The following ACTBL2 variants were observed in gnomAD, a reference collection of about 807,000 sequenced individuals.
ACTBL2 encodes beta-actin-like protein 2.
A neutral mutation model predicts 23.2 loss-of-function variants in ACTBL2; 29 were observed. The observed-to-expected ratio is 1.25, with a 90% CI of 0.93 to 1.71. The LOEUF (loss-of-function observed/expected upper bound fraction) is 1.71, where lower values mean the gene tolerates loss of function less well. Ranked by LOEUF, ACTBL2 falls within the 40% of genes most tolerant of loss-of-function variation. ACTBL2 has a pLI of 0.00. For synonymous variants in ACTBL2, 173 were observed against 182.1 expected, an observed-to-expected ratio of 0.95 and a Z score of 0.40; for missense variants, 524 against 486.2, an observed-to-expected ratio of 1.08 and a Z score of -0.73.
chr5:57,481,659 A>G lies in ACTBL2; in HGVS notation c.1049T>C (p.Leu350Pro). 2 of 1,614,112 alleles carry G rather than the reference A, an allele frequency of 1.2e-6. No homozygotes were observed. The highest frequency in any genetic ancestry group is 1.7e-6 in the Non-Finnish European group (2 of 1,180,026). ...VWIGGSILASLSTFQQMWISK... is the reference protein window; with the variant it reads ...VWIGGSILASPSTFQQMWISK... ...GATCCACATCTGCTGGAATGTGGAC[A>G]GGCTGGCAAGGATGGAGCCCCCAAT... Residue 350 changes from leucine to proline, a missense_variant, in exon 1 of 1, where the codon CTG (leucine) becomes CCG (proline). By Grantham distance (98) the Leu-to-Pro change is moderately conservative (BLOSUM62 -3). Coordinates refer to ENST00000423391, the MANE Select transcript of ACTBL2 (RefSeq NM_001017992.4).
Position 57,481,141 on chromosome 5 carries a change from C to T in ACTBL2, c.*436G>A, listed in dbSNP as rs1745145777. 1.3e-5 allele frequency: 2 copies of T among 158,494 alleles called. No individual in the cohort carries two copies. Among genetic ancestry groups the T allele is most frequent in the African/African-American group, 2.4e-5 (1 of 41,438 alleles). 9.8% of individuals were successfully genotyped at this position (158,494 alleles called of 1,614,324 possible). ...CAAAGAAGTAAACAAAACAAAGATA[C>T]TTAACTAGTAAGACACGGCTGCTAA... On this transcript the variant is annotated 3_prime_UTR_variant, in exon 1 of 1. Coordinates refer to ENST00000423391, the MANE Select transcript of ACTBL2 (RefSeq NM_001017992.4).
rs556249317 is a variant in ACTBL2 at position 57,481,900 on chromosome 5, T to G, written c.808A>C (p.Ile270Leu). 4 of 1,614,116 alleles carry G rather than the reference T, an allele frequency of 2.5e-6. No homozygotes were observed. The Admixed American group carries it at 6.7e-5, about 27-fold the overall frequency. ...EAIFQPSFLG[I>L]ESSGIHETTF... Reference sequence around the variant, plus strand: ...GTCTCATGGATCCCACTGGACTCAATGCCCAGAAAGGAAGGCTGGAAAATG... The same window carrying G: ...GTCTCATGGATCCCACTGGACTCAAGGCCCAGAAAGGAAGGCTGGAAAATG... The change falls in exon 1 of 1, where the codon ATT (isoleucine) becomes CTT (leucine). Residue 270 changes from isoleucine (I) to leucine (L), a missense_variant. Physicochemically the swap from Ile to Leu is conservative, Grantham distance 5. Coordinates refer to ENST00000423391, the MANE Select transcript of ACTBL2 (RefSeq NM_001017992.4).
At position 57,481,957 on chromosome 5, in the gene ACTBL2, T is replaced by C; in HGVS notation, c.751A>G (p.Ile251Val). ...YELPDGQVIT[I>V]GNERFRCPEA... ...GGGCATCGGAAGCGTTCATTCCCAATGGTGATCACCTGCCCATCAGGAAGT... is the reference window on the plus strand; with the variant it reads ...GGGCATCGGAAGCGTTCATTCCCAACGGTGATCACCTGCCCATCAGGAAGT... The change falls in exon 1 of 1, where the codon ATT becomes GTT. Residue 251 changes from isoleucine (I) to valine (V), a missense_variant. Physicochemically the swap from Ile to Val is conservative, Grantham distance 29. Coordinates refer to ENST00000423391, the MANE Select transcript of ACTBL2 (RefSeq NM_001017992.4). 1 of 1,614,074 alleles carries C rather than the reference T, an allele frequency of 6.2e-7. No homozygotes were observed. Among genetic ancestry groups the C allele is most frequent in the Non-Finnish European group, 8.5e-7 (1 of 1,180,014 alleles).
rs372738418 is a variant in ACTBL2 at position 57,481,701 on chromosome 5, C to T, written c.1007G>A (p.Arg336Gln). Residue 336 changes from arginine to glutamine, a missense_variant, in exon 1 of 1, where the codon CGG (arginine) becomes CAG (glutamine). Arg to Gln is a conservative substitution (Grantham distance 43). Coordinates refer to ENST00000423391, the MANE Select transcript of ACTBL2 (RefSeq NM_001017992.4). ...MKIKIIAPPE[R>Q]KYSVWIGGSI... is the part of the protein sequence containing the mutation. ...GCCCCCAATCCAAACAGAATACTTC[C>T]GCTCTGGGGGAGCTATGATCTTGAT... 44 of 1,613,856 alleles carry T rather than the reference C, an allele frequency of 2.7e-5. No homozygotes were observed. In the East Asian group the frequency reaches 2.9e-4, roughly 11 times the overall value.
Position 57,482,046 on chromosome 5 carries a change from G to T in ACTBL2, c.662C>A (p.Ala221Asp). Residue 221 changes from alanine (A) to aspartate (D), a missense_variant, in exon 1 of 1, where the codon GCC becomes GAC. Transcript: ENST00000423391. ...RDVKEKLCYV[A>D]LDFEQEMVRA... Reference sequence around the variant, plus strand: ...GACCATCTCCTGCTCAAAGTCCAGGGCTACGTAGCACAGCTTCTCTTTGAC... The same window carrying T: ...GACCATCTCCTGCTCAAAGTCCAGGTCTACGTAGCACAGCTTCTCTTTGAC... The T allele has an allele frequency of 6.2e-7, 1 of 1,614,110 alleles. No individual in the cohort carries two copies. The highest frequency in any genetic ancestry group is 8.5e-7 in the Non-Finnish European group (1 of 1,180,028).
chr5:57,481,675 AG>A lies in ACTBL2; in HGVS notation c.1032del (p.Ser345ProfsTer47), dbSNP rs1253058200. ...PERKYSVWIG[G>X]SILASLSTFQ... ...AATGTGGACAGGCTGGCAAGGATGG[AG>A]CCCCCAATCCAAACAGAATACTTCC... On this transcript the variant is annotated frameshift_variant, in exon 1 of 1. Transcript: ENST00000423391. LOFTEE classifies it high-confidence loss of function. The A allele has an allele frequency of 2.5e-6, 4 of 1,613,908 alleles. No homozygotes were observed. Among genetic ancestry groups the A allele is most frequent in the Non-Finnish European group, 3.4e-6 (4 of 1,180,024 alleles).
At position 57,482,197 on chromosome 5, in the gene ACTBL2, C is replaced by A. The variant is rs200203178; in HGVS notation, c.511G>T (p.Ala171Ser). The change falls in exon 1 of 1, where the codon GCC (alanine) becomes TCC (serine). Residue 171 changes from alanine to serine, a missense_variant. Physicochemically the swap from Ala to Ser is moderately conservative, Grantham distance 99. Coordinates refer to ENST00000423391, the MANE Select transcript of ACTBL2 (RefSeq NM_001017992.4). The stretch of plus-strand genomic sequence containing the variant: ...AGGCGTAGAATGGCATGAGGCAGGG[C>A]ATAACCTTCATAGATGGGCACGATG... ...THIVPIYEGY[A>S]LPHAILRLDL... 28 of 1,614,040 alleles carry A rather than the reference C, an allele frequency of 1.7e-5. No individual in the cohort carries two copies. Among genetic ancestry groups the A allele is most frequent in the Admixed American group, 1.0e-4 (6 of 60,008 alleles).
rs1287896951 is a variant in ACTBL2, at chr5:57,482,561, G to A, written c.147C>T (p.Gly49=). ...CATCTCCCACGTAGCAGTCCTTCTG[G>A]CCCATGCCTACCATAACGCCCTGGT... The part of the protein sequence containing the change: ...PRHQGVMVGM[G]QKDCYVGDEA... Residue 49 remains glycine (G), a synonymous_variant, in exon 1 of 1, where the codon GGC becomes GGT. Transcript: ENST00000423391. 1.2e-6 allele frequency: 2 copies of A among 1,613,900 alleles called. No homozygotes were observed. The highest frequency in any genetic ancestry group is 1.7e-6 in the Non-Finnish European group (2 of 1,180,024).
chr5:57,481,296 A>T lies in ACTBL2; in HGVS notation c.*281T>A. On this transcript the variant is annotated 3_prime_UTR_variant, in exon 1 of 1. Transcript: ENST00000423391. ...CTGAAATGACATTTCTCGTGATTTTACTCCTTGTCACTTATATGTATTTAA... is the reference window on the plus strand; with the variant it reads ...CTGAAATGACATTTCTCGTGATTTTTCTCCTTGTCACTTATATGTATTTAA... 3.2e-6 allele frequency: 1 copy of T among 310,050 alleles called. No homozygotes were observed. Among genetic ancestry groups the T allele is most frequent in the Non-Finnish European group, 6.0e-6 (1 of 167,258 alleles). The allele number at this position is 310,050 out of a possible 1,614,324, so 19.2% of individuals were successfully genotyped here. A position where few individuals can be genotyped will look rare whatever the true frequency, so the allele number is the denominator to read the frequency against.
Position 57,481,175 on chromosome 5 carries a change from G to T in ACTBL2, c.*402C>A. 6.1e-6 allele frequency: 1 copy of T among 163,124 alleles called. No individual in the cohort carries two copies. Among genetic ancestry groups the T allele is most frequent in the Non-Finnish European group, 1.3e-5 (1 of 74,698 alleles). The allele number at this position is 163,124 out of a possible 1,614,324, so 10.1% of individuals were successfully genotyped here. On this transcript the variant is annotated 3_prime_UTR_variant, in exon 1 of 1. Transcript: ENST00000423391. ...TAAGACACGGCTGCTAAATGCATAC[G>T]CACCTTTTTTTTTTAAACAAGTTTA...
At position 57,482,009 on chromosome 5, in the gene ACTBL2, T is replaced by C. The variant is rs774273390; in HGVS notation, c.699A>G (p.Ala233=). ...CATAGCTCCGTTCCGGTGAGGAGGA[T>C]GCGGCTGCCCTGACCATCTCCTGCT... is the stretch of plus-strand genomic sequence containing the variant. The part of the protein sequence containing the change: ...DFEQEMVRAA[A]SSSPERSYEL... Residue 233 remains alanine (A), a synonymous_variant, in exon 1 of 1, where the codon GCA becomes GCG. Coordinates refer to ENST00000423391, the MANE Select transcript of ACTBL2 (RefSeq NM_001017992.4). 1 of 1,614,080 alleles carries C rather than the reference T, an allele frequency of 6.2e-7. No homozygotes were observed. The highest frequency in any genetic ancestry group is 8.5e-7 in the Non-Finnish European group (1 of 1,180,020).
At position 57,482,682 on chromosome 5, in the gene ACTBL2, A is replaced by C. The variant is rs753369792; in HGVS notation, c.26T>G (p.Leu9Trp). Residue 9 changes from leucine to tryptophan, a missense_variant, in exon 1 of 1, where the codon TTG (leucine) becomes TGG (tryptophan). Transcript: ENST00000423391. ...CATCCCTGACCCATTATCCACTACC[A>C]AGGCAGACAGCTCATTGTCAGTCAT... MTDNELSA[L>W]VVDNGSGMCK... 1 of 1,613,872 alleles carries C rather than the reference A, an allele frequency of 6.2e-7. No individual in the cohort carries two copies. Among genetic ancestry groups the C allele is most frequent in the Admixed American group, 1.7e-5 (1 of 60,020 alleles).
In ACTBL2 at chr5:57,482,165, C is replaced by A; in HGVS notation, c.543G>T (p.Leu181=). The change falls in exon 1 of 1, where the codon CTG becomes CTT. Residue 181 remains leucine, a synonymous_variant. Transcript: ENST00000423391. ...ALPHAILRLD[L]AGRDLTDYLM... is the part of the protein sequence containing the mutation. The stretch of plus-strand genomic sequence containing the variant: ...GGTAATCAGTCAGGTCTCTCCCTGC[C>A]AGATCCAGGCGTAGAATGGCATGAG... 2.5e-6 allele frequency: 4 copies of A among 1,614,120 alleles called. No homozygotes were observed. Among genetic ancestry groups the A allele is most frequent in the Non-Finnish European group, 2.5e-6 (3 of 1,180,032 alleles).
Position 57,482,547 on chromosome 5 carries a change from T to C in ACTBL2, c.161A>G (p.Tyr54Cys). The change falls in exon 1 of 1, where the codon TAC (tyrosine) becomes TGC (cysteine). Residue 54 changes from tyrosine (Y) to cysteine (C), a missense_variant. By Grantham distance (194) the Tyr-to-Cys change is radical. Coordinates refer to ENST00000423391, the MANE Select transcript of ACTBL2 (RefSeq NM_001017992.4). The stretch of plus-strand genomic sequence containing the variant: ...CTTGCTCTGAGCCTCATCTCCCACG[T>C]AGCAGTCCTTCTGGCCCATGCCTAC... ...VMVGMGQKDCYVGDEAQSKRG... is the reference protein window; with the variant it reads ...VMVGMGQKDCCVGDEAQSKRG... 1 of 1,614,086 alleles carries C rather than the reference T, an allele frequency of 6.2e-7. No homozygotes were observed. Among genetic ancestry groups the C allele is most frequent in the South Asian group, 1.1e-5 (1 of 91,036 alleles).
rs1579781139 is a variant in ACTBL2, at chr5:57,481,746, A to C, written c.962T>G (p.Leu321Arg). The C allele has an allele frequency of 1.2e-6, 2 of 1,614,034 alleles. No homozygotes were observed. The highest frequency in any genetic ancestry group is 1.7e-6 in the Non-Finnish European group (2 of 1,180,014). Residue 321 changes from leucine to arginine, a missense_variant, in exon 1 of 1, where the codon CTG (leucine) becomes CGG (arginine). Coordinates refer to ENST00000423391, the MANE Select transcript of ACTBL2 (RefSeq NM_001017992.4). ...CTTGATTTTCATGGTGCTGGGTGCCAGGGTTATGATTTCTTTCTGCATCCT... is the reference window on the plus strand; with the variant it reads ...CTTGATTTTCATGGTGCTGGGTGCCCGGGTTATGATTTCTTTCTGCATCCT... ...ADRMQKEIIT[L>R]APSTMKIKII...
chr5:57,482,761 A>T lies in ACTBL2; in HGVS notation c.-54T>A. ...GAACAGGACAAGTGAATAGACAGTG[A>T]GTAAGAGAAAGTGAACAGGCCTAAA... On this transcript the variant is annotated 5_prime_UTR_variant, in exon 1 of 1. Transcript: ENST00000423391. 1 of 1,582,850 alleles carries T rather than the reference A, an allele frequency of 6.3e-7. No homozygotes were observed. Among genetic ancestry groups the T allele is most frequent in the Non-Finnish European group, 8.6e-7 (1 of 1,162,008 alleles).
At position 57,482,436 on chromosome 5, in the gene ACTBL2, A is replaced by C; in HGVS notation, c.272T>G (p.Phe91Cys). Residue 91 changes from phenylalanine (F) to cysteine (C), a missense_variant, in exon 1 of 1, where the codon TTC (phenylalanine) becomes TGC (cysteine). Phe to Cys is a radical substitution (Grantham distance 205). Transcript: ENST00000423391. ...DDMEKIWYHT[F>C]YNELRVAPDE... Reference sequence around the variant, plus strand: ...TGGTGCCACACGGAGCTCATTGTAGAATGTGTGGTACCAGATCTTTTCCAT... The same window carrying C: ...TGGTGCCACACGGAGCTCATTGTAGCATGTGTGGTACCAGATCTTTTCCAT... 1 of 1,614,066 alleles carries C rather than the reference A, an allele frequency of 6.2e-7. No homozygotes were observed. Among genetic ancestry groups the C allele is most frequent in the Non-Finnish European group, 8.5e-7 (1 of 1,180,000 alleles).
rs371146209 is a variant in ACTBL2 at position 57,482,387 on chromosome 5, G to T, written c.321C>A (p.Thr107=). 5.0e-6 allele frequency: 8 copies of T among 1,614,098 alleles called. No individual in the cohort carries two copies. The highest frequency in any genetic ancestry group is 2.2e-5 in the South Asian group (2 of 91,046). Residue 107 remains threonine (T), a synonymous_variant, in exon 1 of 1, where the codon ACC becomes ACA. Transcript: ENST00000423391. ...TGATCTTGGGGTTCAGGGGTGCCTC[G>T]GTGAGGAGGATGGGATGCTCATCTG... is the stretch of plus-strand genomic sequence containing the variant. ...VAPDEHPILL[T]EAPLNPKINR... is the part of the protein sequence containing the mutation.
chr5:57,481,427 C>T lies in ACTBL2; in HGVS notation c.*150G>A. ...CGGATGTGGTTATCTGGGTAAGAGC[C>T]CAGGTTACTTGGATGGAGAGATGGG... On this transcript the variant is annotated 3_prime_UTR_variant, in exon 1 of 1. Coordinates refer to ENST00000423391, the MANE Select transcript of ACTBL2 (RefSeq NM_001017992.4). 1 of 925,278 alleles carries T rather than the reference C, an allele frequency of 1.1e-6. No homozygotes were observed. Among genetic ancestry groups the T allele is most frequent in the Non-Finnish European group, 1.6e-6 (1 of 624,650 alleles). 57.3% of individuals were successfully genotyped at this position (925,278 alleles called of 1,614,324 possible). A position where few individuals can be genotyped will look rare whatever the true frequency, so the allele number is the denominator to read the frequency against.
Sources: allele counts gnomAD v4.1 joint callset, GRCh38; gene constraint gnomAD v4.1.1; transcripts MANE v1.5; gene names NCBI Gene and HGNC (gene_info 2026-07-23, HGNC 2026-07-21).